B3GLCT: variants seen among roughly 807,000 people sequenced by gnomAD.
The protein encoded by B3GLCT is beta 3-glucosyltransferase.
A neutral mutation model predicts 63.4 loss-of-function variants in B3GLCT; 65 were observed. That is an observed-to-expected ratio of 1.03 (90% CI 0.84 to 1.26). B3GLCT has a LOEUF of 1.26. Among genes scored for constraint, B3GLCT ranks in the 50% most tolerant of loss-of-function variants. The pLI, the probability that B3GLCT is intolerant of heterozygous loss-of-function variation, is 0.00. For missense variants in B3GLCT, 577 were observed against 604.8 expected (o/e 0.95, Z 0.48); for synonymous variants, 233 against 219.2 (o/e 1.06, Z -0.55).
chr13:31,253,311 A>T (rs1566064050), intron 6 of B3GLCT, among the ~76,000 whole-genome samples: 2 of 151,782 alleles, frequency 1.3e-5, no homozygotes, highest in Admixed American at 6.6e-5. Flanking sequence ...AATAGAGAAG[A>T]CCGGGTGCGG....
chr13:31,260,534 A>C (rs1871974759), intron 6 of B3GLCT: 1 of 163,208 alleles, frequency 6.1e-6, no homozygotes, highest in African/African-American at 2.4e-5. Flanking sequence ...AATCATTTGA[A>C]TGAATGAGTA....
intron 7 of B3GLCT, among the ~76,000 whole-genome samples, chr13:31,268,456 C>T (rs1031733886): frequency 1.3e-5 from 2 of 152,104 alleles, no homozygotes; most frequent in African/African-American, 2.4e-5. Flanking sequence ...CTGATAGGTC[C>T]GTGCTTTGTA....
At chr13:31,308,362 A>AAAAAAAAAAAAAAAAAAAAAAAAAAC (rs61561180) in intron 12 of B3GLCT, among the ~76,000 whole-genome samples, 4 of 61,890 alleles carry the variant, frequency 6.5e-5, no homozygotes, top group Non-Finnish European at 1.1e-4. Context: ...AAAAAAAAAC[A>AAAAAAAAAAAAAAAAAAAAAAAAAAC]AAAAAAAAAG....
chr13:31,276,691 CTT>C lies in B3GLCT; in HGVS notation c.781-4_781-3del. 1 of 1,592,070 alleles carries C rather than the reference CTT, an allele frequency of 6.3e-7. No individual in the cohort carries two copies. Among genetic ancestry groups the C allele is most frequent in the Non-Finnish European group, 8.6e-7 (1 of 1,161,580 alleles). ...CACATATGCATACATTTTTTCTTTT[CTT>C]TTTTTTAGAGAAAGCCAGTGAAGAA... On this transcript the variant is annotated splice_polypyrimidine_tract_variant and intron_variant, in intron 9 of 14. Transcript: ENST00000343307.
chr13:31,248,614 C>A (rs1294409959), intron 6 of B3GLCT, among the ~76,000 whole-genome samples: 1 of 152,134 alleles, frequency 6.6e-6, no homozygotes, highest in East Asian at 1.9e-4. Flanking sequence ...GAGGGTCTAC[C>A]AGGCAGAGGG....
chr13:31,262,499 C>T (rs1177063193), intron 7 of B3GLCT, among the ~76,000 whole-genome samples: 1 of 152,212 alleles, frequency 6.6e-6, no homozygotes, highest in Non-Finnish European at 1.5e-5. Flanking sequence ...TCCCTTCTCA[C>T]CGTCTACTGG....
At chr13:31,212,309 C>A (rs182013709) in intron 1 of B3GLCT, among the ~76,000 whole-genome samples, 1 of 130,532 alleles carries the variant, frequency 7.7e-6, no homozygotes, top group Non-Finnish European at 1.6e-5. Flanking sequence ...GAGTCTTGCT[C>A]TGTCGCCCAG....
intron 8 of B3GLCT, among the ~76,000 whole-genome samples, chr13:31,269,638 TC>T (rs1356910972): frequency 1.6e-4 from 22 of 135,592 alleles, no homozygotes; most frequent in African/African-American, 6.5e-4. Flanking sequence ...AATGATCATG[TC>T]CCCGCCCCCC....
chr13:31,298,574 C>T (rs1874070677), intron 12 of B3GLCT, among the ~76,000 whole-genome samples: 1 of 152,170 alleles, frequency 6.6e-6, no homozygotes, highest in African/African-American at 2.4e-5. Context: ...TTGGATTTCC[C>T]TCAATTTATA....
intron 13 of B3GLCT, among the ~76,000 whole-genome samples, chr13:31,322,835 TTTCCC>T (rs1211871871): frequency 6.6e-6 from 1 of 152,172 alleles, no homozygotes; most frequent in African/African-American, 2.4e-5. Flanking sequence ...TGTGTGCTCT[TTTCCC>T]GGAGTCAGTA....
At chr13:31,206,584 CAAA>C (rs11322955) in intron 1 of B3GLCT, among the ~76,000 whole-genome samples, 34 of 118,672 alleles carry the variant, frequency 2.9e-4, no homozygotes, top group Non-Finnish European at 2.9e-4. Context: ...ACTAAAAATG[CAAA>C]AAAAAAAAAA....
chr13:31,229,371 G>T, intron 4 of B3GLCT, 77 bp downstream of exon 4: 1 of 880,712 alleles, frequency 1.1e-6, no homozygotes, highest in Non-Finnish European at 1.9e-6. Context: ...CACTGGATCC[G>T]TGGAGAATCA....
intron 12 of B3GLCT, among the ~76,000 whole-genome samples, chr13:31,316,457 TC>T (rs1165757149): frequency 9.9e-6 from 1 of 100,700 alleles, no homozygotes; most frequent in African/African-American, 3.4e-5. Flanking sequence ...AGACGGAGTT[TC>T]GCTCTTGTCA....
At chr13:31,234,271 C>T (rs947480807) in intron 4 of B3GLCT, among the ~76,000 whole-genome samples, 5 of 152,072 alleles carry the variant, frequency 3.3e-5, no homozygotes, top group African/African-American at 7.2e-5. Context: ...CTTCCTGCCT[C>T]GGCCTCCCAA....
In B3GLCT at chr13:31,329,696, C is replaced by T. The variant is rs370090790; in HGVS notation, c.*28C>T. The T allele has an allele frequency of 5.6e-6, 9 of 1,612,844 alleles. No homozygotes were observed. The South Asian group carries it at 6.6e-5, about 12-fold the overall frequency. ...CAGGGTGACCTGTGCGCCTAGCCTGCGCAGGGAATGAACTGGAGACTGTGG... is the reference window on the plus strand; with the variant it reads ...CAGGGTGACCTGTGCGCCTAGCCTGTGCAGGGAATGAACTGGAGACTGTGG... On this transcript the variant is annotated 3_prime_UTR_variant, in exon 15 of 15. Transcript: ENST00000343307.
At chr13:31,254,617 T>C (rs183962219) in intron 6 of B3GLCT, among the ~76,000 whole-genome samples, 63 of 152,334 alleles carry the variant, frequency 4.1e-4, no homozygotes, top group Non-Finnish European at 7.9e-4. Context: ...AAGGATGCTC[T>C]TCCTCACCAC....
chr13:31,255,624 A>G (rs1398397431), intron 6 of B3GLCT, among the ~76,000 whole-genome samples: 1 of 152,230 alleles, frequency 6.6e-6, no homozygotes, highest in African/African-American at 2.4e-5. Context: ...AATGGAACAG[A>G]ACAGAGGCTT....
At chr13:31,267,167 G>A (rs941202769) in intron 7 of B3GLCT, among the ~76,000 whole-genome samples, 4 of 152,238 alleles carry the variant, frequency 2.6e-5, no homozygotes, top group Non-Finnish European at 5.9e-5. Flanking sequence ...AAGCCAAAAA[G>A]ATGGAGAGCA....
intron 1 of B3GLCT, among the ~76,000 whole-genome samples, chr13:31,206,957 C>T (rs1014862849): frequency 1.3e-5 from 2 of 152,054 alleles, no homozygotes; most frequent in Admixed American, 6.5e-5. Context: ...GACCATAGTC[C>T]GTGGAGCATG....
Sources: gnomAD v4.1 joint callset for allele counts (sites outside exome capture counted in the v4.1 genomes callset) on GRCh38, gnomAD v4.1.1 for gene constraint, MANE v1.5 for transcripts, NCBI Gene and HGNC (gene_info 2026-07-23, HGNC 2026-07-21) for gene names.